PTP4A1: variants seen among roughly 807,000 people sequenced by gnomAD.
PTP4A1 encodes protein tyrosine phosphatase 4A1.
A neutral mutation model predicts 20.5 loss-of-function variants in PTP4A1; 9 were observed. That is an observed-to-expected ratio of 0.44 (90% CI 0.26 to 0.77). The LOEUF (loss-of-function observed/expected upper bound fraction) is 0.77, where lower values mean the gene tolerates loss of function less well. Ranked by LOEUF, PTP4A1 falls within the 30% of genes least tolerant of loss-of-function variation. PTP4A1 has a pLI of 0.19. For missense variants in PTP4A1, 137 were observed against 218.8 expected (o/e 0.63, Z 2.36); for synonymous variants, 78 against 67.4 (o/e 1.16, Z -0.77).
intron 1 of PTP4A1, among the ~76,000 whole-genome samples, chr6:63,526,803 G>GTATA (rs376671990): frequency 0.067 from 6,765 of 101,174 alleles, 282 homozygotes; most frequent in South Asian, 0.08. Flanking sequence ...TCTCAAAAAT[G>GTATA]TATATATATA....
intron 3 of PTP4A1, among the ~76,000 whole-genome samples, chr6:63,565,554 G>A (rs555444800): frequency 6.6e-6 from 1 of 152,122 alleles, no homozygotes; most frequent in Non-Finnish European, 1.5e-5. Flanking sequence ...GATCCAGCAG[G>A]ATTCATTTAT....
intron 3 of PTP4A1, among the ~76,000 whole-genome samples, chr6:63,555,940 C>T (rs2149492744): frequency 6.6e-6 from 1 of 152,230 alleles, no homozygotes; most frequent in African/African-American, 2.4e-5. Flanking sequence ...ATCTGCCTGC[C>T]TCAGCCTCCC....
At chr6:63,537,527 C>A (rs562689145) in intron 2 of PTP4A1, among the ~76,000 whole-genome samples, 12 of 152,304 alleles carry the variant, frequency 7.9e-5, no homozygotes, top group Admixed American at 2.0e-4. Flanking sequence ...TTAGAGCGTA[C>A]CTTTTCACCC....
intron 2 of PTP4A1, among the ~76,000 whole-genome samples, chr6:63,542,141 A>C (rs2149484538): frequency 6.6e-6 from 1 of 152,128 alleles, no homozygotes. Context: ...ATGACATTGG[A>C]GAATACTAGT....
chr6:63,547,186 A>C (rs1581925226), intron 2 of PTP4A1, among the ~76,000 whole-genome samples: 1 of 147,726 alleles, frequency 6.8e-6, no homozygotes, highest in Admixed American at 6.9e-5. Flanking sequence ...AGTAGGGGGG[A>C]ATTTTTTTTT....
At position 63,581,985 on chromosome 6, in the gene PTP4A1, A is replaced by C. The variant is rs544280994; in HGVS notation, c.*1811A>C. ...GCAGTTATAAATGTAAAGGACTCAA[A>C]GTTTAAGTAAAAAGTGATACTCCAC... On this transcript the variant is annotated 3_prime_UTR_variant, in exon 6 of 6. Transcript: ENST00000626021. The C allele has an allele frequency of 6.6e-6, 1 of 152,288 alleles. No homozygotes were observed. The highest frequency in any genetic ancestry group is 2.4e-5 in the African/African-American group (1 of 41,570). 9.4% of individuals were successfully genotyped at this position (152,288 alleles called of 1,614,324 possible).
chr6:63,532,214 G>A (rs989064857), intron 2 of PTP4A1, among the ~76,000 whole-genome samples: 1 of 152,210 alleles, frequency 6.6e-6, no homozygotes, highest in African/African-American at 2.4e-5. Flanking sequence ...AATTGTTACT[G>A]AAATTTTGAA....
upstream of PTP4A1, among the ~76,000 whole-genome samples, chr6:63,517,849 A>G (rs1046857819): frequency 2.6e-5 from 4 of 152,114 alleles, no homozygotes; most frequent in African/African-American, 7.2e-5. Context: ...AAAAGAATCC[A>G]TTGACACATA....
At chr6:63,527,391 G>A (rs1204261865) in intron 1 of PTP4A1, among the ~76,000 whole-genome samples, 1 of 152,144 alleles carries the variant, frequency 6.6e-6, no homozygotes, top group Non-Finnish European at 1.5e-5. Flanking sequence ...TGACCAATAA[G>A]TGCCGAGTGA....
At chr6:63,543,602 T>C (rs1356972723) in intron 2 of PTP4A1, among the ~76,000 whole-genome samples, 1 of 152,226 alleles carries the variant, frequency 6.6e-6, no homozygotes, top group Non-Finnish European at 1.5e-5. Flanking sequence ...AGGAAGGATA[T>C]ATCACATGAA....
chr6:63,565,739 T>C (rs1777165953), intron 3 of PTP4A1, among the ~76,000 whole-genome samples: 1 of 152,180 alleles, frequency 6.6e-6, no homozygotes, highest in Non-Finnish European at 1.5e-5. Context: ...GAAATTTCTG[T>C]GTCTAAATTT....
chr6:63,523,654 T>C (rs1203212617), intron 1 of PTP4A1, among the ~76,000 whole-genome samples: 1 of 152,218 alleles, frequency 6.6e-6, no homozygotes, highest in Non-Finnish European at 1.5e-5. Flanking sequence ...AGCTTATCCA[T>C]GCATGTGGCC....
At chr6:63,568,822 C>T (rs141204223), upstream of PTP4A1, among the ~76,000 whole-genome samples, 819 of 152,258 alleles carry the variant, frequency 5.4e-3, 3 homozygotes, top group Non-Finnish European at 8.3e-3. Flanking sequence ...GCAGCCATGG[C>T]ATACTTGAAT....
chr6:63,526,481 G>A (rs1775178848), intron 1 of PTP4A1, among the ~76,000 whole-genome samples: 1 of 151,310 alleles, frequency 6.6e-6, no homozygotes, highest in African/African-American at 2.4e-5. Context: ...GACCACGTAT[G>A]ATAAATCCGC....
upstream of PTP4A1, among the ~76,000 whole-genome samples, chr6:63,569,656 T>C (rs1777336070): frequency 6.6e-6 from 1 of 152,358 alleles, no homozygotes; most frequent in African/African-American, 2.4e-5. Context: ...CCTATCGTGA[T>C]GAGGTTAAGG....
At chr6:63,578,716 G>C (rs1271681786) in intron 3 of PTP4A1, among the ~76,000 whole-genome samples, 182 bp from the exon 4 acceptor site, 1 of 152,204 alleles carries the variant, frequency 6.6e-6, no homozygotes, top group African/African-American at 2.4e-5. Flanking sequence ...ATTTGAAGTT[G>C]TGAAACATTT....
At chr6:63,552,692 A>G (rs1033169911) in intron 3 of PTP4A1, among the ~76,000 whole-genome samples, 1 of 152,188 alleles carries the variant, frequency 6.6e-6, no homozygotes, top group African/African-American at 2.4e-5. Context: ...TCTTTAATCC[A>G]TCTTGAATTA....
chr6:63,548,902 C>T (rs1189051610), intron 2 of PTP4A1: 29 of 882,874 alleles, frequency 3.3e-5, no homozygotes, highest in Middle Eastern at 3.2e-4. Flanking sequence ...TGTATGAAGG[C>T]GACAGTGGTG....
chr6:63,579,949 A>C (rs368851164), intron 5 of PTP4A1, 108 bp from the exon 6 acceptor site: 142 of 767,952 alleles, frequency 1.8e-4, no homozygotes, highest in Admixed American at 6.9e-4. Context: ...CAGCCTAATT[A>C]ATCAAAAGAT....
Sources: allele counts gnomAD v4.1 joint callset (sites outside exome capture counted in the v4.1 genomes callset), GRCh38; gene constraint gnomAD v4.1.1; transcripts MANE v1.5; gene names NCBI Gene and HGNC (gene_info 2026-07-23, HGNC 2026-07-21).